Variants in TUSC3 observed in about 807,000 individuals in gnomAD.
The protein encoded by TUSC3 is tumor suppressor candidate 3.
In TUSC3, 45 loss-of-function variants were observed where a neutral mutation model predicts 44.8. The observed-to-expected ratio is 1.00, with a 90% CI of 0.79 to 1.29. TUSC3 has a LOEUF of 1.29. Among genes scored for constraint, TUSC3 ranks in the 50% most tolerant of loss-of-function variants. The pLI, the probability that TUSC3 is intolerant of heterozygous loss-of-function variation, is 0.00. For missense variants in TUSC3, 519 were observed against 437.9 expected (o/e 1.19, Z -1.65); for synonymous variants, 212 against 152.9 (o/e 1.39, Z -2.85).
At chr8:15,505,938 G>A (rs1043319288) in intron 2 of TUSC3, among the ~76,000 whole-genome samples, 2 of 152,034 alleles carry the variant, frequency 1.3e-5, no homozygotes, top group Non-Finnish European at 2.9e-5. Flanking sequence ...ACATACAATA[G>A]GATACAGTGA....
chr8:15,594,929 C>T (rs374925616), intron 1 of TUSC3, among the ~76,000 whole-genome samples: 194 of 152,166 alleles, frequency 1.3e-3, no homozygotes, highest in African/African-American at 4.4e-3. Flanking sequence ...TGACTGGATG[C>T]GCGTCATCTT....
At chr8:15,474,186 G>A (rs1178964499) in intron 1 of TUSC3, among the ~76,000 whole-genome samples, 1 of 152,180 alleles carries the variant, frequency 6.6e-6, no homozygotes, top group Non-Finnish European at 1.5e-5. Context: ...CTCACAGGCA[G>A]TCAGACCTTA....
intron 1 of TUSC3, among the ~76,000 whole-genome samples, chr8:15,468,503 G>A (rs529175915): frequency 1.3e-5 from 2 of 152,224 alleles, no homozygotes; most frequent in Non-Finnish European, 2.9e-5. Context: ...GTGATTAGAT[G>A]TCTGTTTCCC....
At chr8:15,850,033 C>T in the TUSC3 span, among the ~76,000 whole-genome samples, 1 of 152,058 alleles carries the variant, frequency 6.6e-6, no homozygotes, top group East Asian at 1.9e-4. Context: ...TCCTCGGGGG[C>T]CCCTATTTCT....
chr8:15,704,843 A>G (rs2129196964), intron 6 of TUSC3, among the ~76,000 whole-genome samples: 1 of 152,068 alleles, frequency 6.6e-6, no homozygotes, highest in Admixed American at 6.6e-5. Context: ...TTTTAGATAA[A>G]CTGGGAATCA....
Position 15,636,748 on chromosome 8 carries a change from C to T in TUSC3, c.308+13499C>T, listed in dbSNP as rs551004910. Among the ~76,000 whole-genome samples, 10 of 152,296 alleles carry T rather than the reference C, an allele frequency of 6.6e-5. No individual in the cohort carries two copies. In the East Asian group the frequency reaches 1.5e-3, roughly 24 times the overall value. On this transcript the variant is annotated intron_variant, in intron 2 of 10. Transcript: ENST00000503731. ...GGCTAGTCTATATAAATGATGAAGA[C>T]GAATGTTCCAGTGGGAGATTAACTT...
chr8:15,692,690 A>T (rs1346110475), intron 6 of TUSC3, among the ~76,000 whole-genome samples: 2 of 149,478 alleles, frequency 1.3e-5, no homozygotes, highest in East Asian at 3.9e-4. Flanking sequence ...CCATGGAGTC[A>T]GTCGTAGCAC....
intron 6 of TUSC3, among the ~76,000 whole-genome samples, chr8:15,676,266 T>C (rs978238430): frequency 2.6e-5 from 4 of 152,196 alleles, no homozygotes; most frequent in Non-Finnish European, 4.4e-5. Context: ...TGCCCGCTTA[T>C]CTGTCTTCTT....
intron 6 of TUSC3, among the ~76,000 whole-genome samples, chr8:15,729,582 G>T (rs1563193820): frequency 6.6e-6 from 1 of 152,078 alleles, no homozygotes; most frequent in Non-Finnish European, 1.5e-5. Context: ...TGCAGCAAGA[G>T]GGCATTATCC....
At chr8:15,847,335 C>T in the TUSC3 span, among the ~76,000 whole-genome samples, 26 of 152,286 alleles carry the variant, frequency 1.7e-4, no homozygotes, top group East Asian at 5.0e-3. Context: ...CTTTTGGTCT[C>T]CTAGACACGG....
intron 1 of TUSC3, among the ~76,000 whole-genome samples, chr8:15,582,589 C>T (rs1351454889): frequency 1.3e-5 from 2 of 152,148 alleles, no homozygotes; most frequent in Non-Finnish European, 2.9e-5. Flanking sequence ...GAAAGTTGAT[C>T]ATACAAATTG....
intron 1 of TUSC3, among the ~76,000 whole-genome samples, chr8:15,589,503 T>G (rs1355023373): frequency 1.3e-5 from 2 of 152,164 alleles, no homozygotes; most frequent in Non-Finnish European, 2.9e-5. Context: ...GGGTTTAACA[T>G]GAGGTTAATA....
At chr8:15,685,759 T>C (rs556725233) in intron 6 of TUSC3, among the ~76,000 whole-genome samples, 1 of 152,262 alleles carries the variant, frequency 6.6e-6, no homozygotes, top group African/African-American at 2.4e-5. Context: ...TCTGATTCTA[T>C]CTTTAATAGC....
At chr8:15,582,270 T>C (rs1185055821) in intron 1 of TUSC3, among the ~76,000 whole-genome samples, 1 of 152,172 alleles carries the variant, frequency 6.6e-6, no homozygotes, top group East Asian at 1.9e-4. Context: ...ACCCGTCTTC[T>C]GGGTCGCTCA....
chr8:15,750,939 G>C (rs1811671770), intron 9 of TUSC3, among the ~76,000 whole-genome samples: 1 of 152,006 alleles, frequency 6.6e-6, no homozygotes, highest in Non-Finnish European at 1.5e-5. Context: ...AAAACCCTAA[G>C]GAGGAGCTGC....
At chr8:15,517,522 C>CAAAAAAAAAAAAAAAAAA (rs71211049) in intron 2 of TUSC3, among the ~76,000 whole-genome samples, 1 of 77,574 alleles carries the variant, frequency 1.3e-5, no homozygotes, top group African/African-American at 8.2e-5. Context: ...TAGCGTGAGG[C>CAAAAAAAAAAAAAAAAAA]AAAAAAAAAA....
chr8:15,828,947 G>A, the TUSC3 span, among the ~76,000 whole-genome samples: 3 of 152,020 alleles, frequency 2.0e-5, no homozygotes, highest in African/African-American at 7.2e-5. Context: ...TATTTAAATG[G>A]CACTTTCCTC....
At chr8:15,521,472 C>A (rs568828008) in intron 2 of TUSC3, among the ~76,000 whole-genome samples, 68 of 152,276 alleles carry the variant, frequency 4.5e-4, no homozygotes, top group Admixed American at 7.8e-4. Flanking sequence ...ATAGCAGTTT[C>A]ATTCAGTTGG....
the TUSC3 span, among the ~76,000 whole-genome samples, chr8:15,778,605 G>T: frequency 6.6e-6 from 1 of 152,072 alleles, no homozygotes; most frequent in Non-Finnish European, 1.5e-5. Context: ...TCTCTTCCAA[G>T]TAGGCAGGGC....
Sources: gnomAD v4.1 joint callset for allele counts (sites outside exome capture counted in the v4.1 genomes callset) on GRCh38, gnomAD v4.1.1 for gene constraint, MANE v1.5 for transcripts, NCBI Gene and HGNC (gene_info 2026-07-23, HGNC 2026-07-21) for gene names.